The following PDLIM3 variants were observed in gnomAD, a reference collection of about 807,000 sequenced individuals.
The protein encoded by PDLIM3 is PDZ and LIM domain protein 3.
In PDLIM3, 36 loss-of-function variants were observed where a neutral mutation model predicts 37.3. The ratio of observed to expected loss-of-function variants is 0.97; its 90% CI spans 0.74 to 1.28. The LOEUF is 1.28. PDLIM3 is among the 50% of genes most tolerant of loss of function. The pLI, the probability that PDLIM3 is intolerant of heterozygous loss-of-function variation, is 0.00. For missense variants in PDLIM3, 454 were observed against 485.0 expected (o/e 0.94, Z 0.60); for synonymous variants, 174 against 182.4 (o/e 0.95, Z 0.37).
chr4:185,528,172 A>C (rs1580265393), intron 1 of PDLIM3, among the ~76,000 whole-genome samples: 4 of 152,250 alleles, frequency 2.6e-5, no homozygotes, highest in African/African-American at 9.6e-5. Flanking sequence ...AATAGAGTTA[A>C]GTTATGTAAT....
chr4:185,512,959 G>C, intron 4 of PDLIM3: 1 of 985,430 alleles, frequency 1.0e-6, no homozygotes, highest in Non-Finnish European at 1.2e-6. Context: ...CATCGGGAGC[G>C]AGACGGCTCT....
chr4:185,524,530 A>C (rs1561201496), intron 2 of PDLIM3, among the ~76,000 whole-genome samples: 2 of 152,240 alleles, frequency 1.3e-5, no homozygotes, highest in African/African-American at 4.8e-5. Context: ...ATGCACTCTC[A>C]CACCTGTAAC....
chr4:185,514,869 C>G lies in PDLIM3; in HGVS notation c.331-532G>C, dbSNP rs537177873. On this transcript the variant is annotated intron_variant, in intron 3 of 7. Coordinates refer to ENST00000284767, the MANE Select transcript of PDLIM3 (RefSeq NM_014476.6). This position sits in a 1 kb window ranked among gnomAD's most constrained non-coding sequence, Gnocchi z 4.0. ...AAAGGCTGGGCCCTTCTGTTGTGCG[C>G]GGTACCAATGGGTTTGAATTCCTGT... 18 of 1,551,366 alleles carry G rather than the reference C, an allele frequency of 1.2e-5. No individual in the cohort carries two copies. Among genetic ancestry groups the G allele is most frequent in the Admixed American group, 2.0e-5 (1 of 50,980 alleles).
chr4:185,501,988 T>C lies in PDLIM3; in HGVS notation c.*306A>G. ...AGTCCTTCAAATATCTTGATGTTTA[T>C]GTGTTTGATGGCTGTAATATACATG... On this transcript the variant is annotated 3_prime_UTR_variant, in exon 8 of 8. Transcript: ENST00000284767. The C allele has an allele frequency of 2.4e-6, 1 of 413,170 alleles. No individual in the cohort carries two copies. Among genetic ancestry groups the C allele is most frequent in the South Asian group, 2.3e-5 (1 of 43,326 alleles). The allele number at this position is 413,170 out of a possible 1,614,324, so 25.6% of individuals were successfully genotyped here.
At chr4:185,513,330 A>C (rs940810208) in intron 4 of PDLIM3, 2 of 985,120 alleles carry the variant, frequency 2.0e-6, no homozygotes, top group African/African-American at 3.5e-5. Context: ...AAAGGTCTGG[A>C]CATGGAAATC....
rs1171370198 is a variant in PDLIM3, at chr4:185,504,482, C to T, written c.898G>A (p.Gly300Ser). The change falls in exon 7 of 8, where the codon GGC (glycine) becomes AGC (serine). Residue 300 changes from glycine (G) to serine (S), a missense_variant. By Grantham distance (56) the Gly-to-Ser change is moderately conservative. Transcript: ENST00000284767. The surrounding 1 kb of genome is among the most constrained non-coding windows in gnomAD (Gnocchi z 4.7). ...GTTAAAAGTGAAACTTACACTATGC[C>T]ACTCCCACATTTGTCACAGAGCGGC... ...RMPLCDKCGS[G>S]IVGAVVKARD... is the part of the protein sequence containing the mutation. 2 of 1,611,476 alleles carry T rather than the reference C, an allele frequency of 1.2e-6. No homozygotes were observed. The highest frequency in any genetic ancestry group is 2.2e-5 in the South Asian group (2 of 91,012).
chr4:185,522,283 C>T lies in PDLIM3; in HGVS notation c.330+1079G>A, dbSNP rs191770323. 1.4e-3 allele frequency among the ~76,000 whole-genome samples: 91 copies of T among 66,330 alleles called. 20 individuals are homozygous for T. The highest frequency in any genetic ancestry group is 2.4e-3 in the African/African-American group (89 of 36,540). The allele number at this position is 66,330 out of a possible 152,430, so 43.5% of individuals were successfully genotyped here. ...GGGGGTAACGTACTGATAATAAGGA[C>T]AGCTACCACTTACTTGAGTATTTCT... On this transcript the variant is annotated intron_variant, in intron 3 of 7. Coordinates refer to ENST00000284767, the MANE Select transcript of PDLIM3 (RefSeq NM_014476.6).
chr4:185,527,245 ATC>A (rs1482056850), intron 1 of PDLIM3, among the ~76,000 whole-genome samples: 1 of 152,224 alleles, frequency 6.6e-6, no homozygotes, highest in Non-Finnish European at 1.5e-5. Flanking sequence ...CTACTATCAA[ATC>A]TCAAACTGCT....
intron 3 of PDLIM3, chr4:185,515,052 C>A (rs977256786): frequency 3.6e-6 from 2 of 560,560 alleles, no homozygotes; most frequent in African/African-American, 3.8e-5. Flanking sequence ...CCATGGTTTT[C>A]TCTGAGCTTT....
intron 3 of PDLIM3, among the ~76,000 whole-genome samples, chr4:185,520,131 T>C (rs1181641019): frequency 1.3e-5 from 2 of 152,234 alleles, no homozygotes; most frequent in Non-Finnish European, 2.9e-5. Context: ...TTTGTTCTGG[T>C]TTACGCTAAA....
At position 185,500,858 on chromosome 4, in the gene PDLIM3, G is replaced by A. The variant is rs2095686196; in HGVS notation, c.*1436C>T. 6.6e-6 allele frequency: 1 copy of A among 152,256 alleles called. No individual in the cohort carries two copies. Among genetic ancestry groups the A allele is most frequent in the Non-Finnish European group, 1.5e-5 (1 of 68,134 alleles). 9.4% of individuals were successfully genotyped at this position (152,256 alleles called of 1,614,324 possible). On this transcript the variant is annotated 3_prime_UTR_variant, in exon 8 of 8. Coordinates refer to ENST00000284767, the MANE Select transcript of PDLIM3 (RefSeq NM_014476.6). ...GAGCAATAAAACTTGTGTCCCATTTGGGACCTTATGGGAGGAGAACACTTG... is the reference window on the plus strand; with the variant it reads ...GAGCAATAAAACTTGTGTCCCATTTAGGACCTTATGGGAGGAGAACACTTG...
intron 4 of PDLIM3, among the ~76,000 whole-genome samples, chr4:185,510,387 T>C (rs2153333753): frequency 6.6e-6 from 1 of 152,318 alleles, no homozygotes; most frequent in Admixed American, 6.5e-5. Context: ...TTATGCCATG[T>C]TTTATAGCGG....
Position 185,514,054 on chromosome 4 carries a change from T to C in PDLIM3, c.398+216A>G. On this transcript the variant is annotated intron_variant, in intron 4 of 7. Transcript: ENST00000284767. The surrounding 1 kb of genome is among the most constrained non-coding windows in gnomAD (Gnocchi z 4.0). Reference sequence around the variant, plus strand: ...AATACACGTGGTGATTGCATACAATTTCACAGCTCTGTCATCTTGTCAATA... The same window carrying C: ...AATACACGTGGTGATTGCATACAATCTCACAGCTCTGTCATCTTGTCAATA... 5.5e-6 allele frequency: 8 copies of C among 1,441,824 alleles called. No individual in the cohort carries two copies. Among genetic ancestry groups the C allele is most frequent in the Non-Finnish European group, 7.3e-6 (8 of 1,100,156 alleles). The allele number at this position is 1,441,824 out of a possible 1,614,324, so 89.3% of individuals were successfully genotyped here. A position where few individuals can be genotyped will look rare whatever the true frequency, so the allele number is the denominator to read the frequency against.
intron 1 of PDLIM3, among the ~76,000 whole-genome samples, chr4:185,528,137 T>A (rs1265824345): frequency 6.6e-6 from 1 of 152,242 alleles, no homozygotes; most frequent in Non-Finnish European, 1.5e-5. Flanking sequence ...TTTTAGAGCC[T>A]AACTTAGCTT....
rs2153331517 is a variant in PDLIM3, at chr4:185,504,477, T to C, written c.903A>G (p.Ile301Met). ...CCAGGGTTAAAAGTGAAACTTACAC[T>C]ATGCCACTCCCACATTTGTCACAGA... Reference protein sequence around the residue: ...MPLCDKCGSGIVGAVVKARDK... With the variant: ...MPLCDKCGSGMVGAVVKARDK... The change falls in exon 7 of 8, where the codon ATA (isoleucine) becomes ATG (methionine). Residue 301 changes from isoleucine (I) to methionine (M), a missense_variant and splice_region_variant. Transcript: ENST00000284767. This position sits in a 1 kb window ranked among gnomAD's most constrained non-coding sequence, Gnocchi z 4.7. The C allele has an allele frequency of 6.2e-7, 1 of 1,609,492 alleles. No individual in the cohort carries two copies. The highest frequency in any genetic ancestry group is 1.1e-5 in the South Asian group (1 of 90,992).
rs747992902 is a variant in PDLIM3, at chr4:185,504,547, A to G, written c.833T>C (p.Val278Ala). The change falls in exon 7 of 8, where the codon GTG becomes GCG. Residue 278 changes from valine to alanine, a missense_variant. Coordinates refer to ENST00000284767, the MANE Select transcript of PDLIM3 (RefSeq NM_014476.6). This position sits in a 1 kb window ranked among gnomAD's most constrained non-coding sequence, Gnocchi z 4.7. ...GCCTGAACCGCCATGGACTTTCGTC[A>G]CCGGAGCTCTCACACTCCGCGTTCC... ...PAGTRSVRAP[V>A]TKVHGGSGGA... 6.2e-7 allele frequency: 1 copy of G among 1,614,060 alleles called. No individual in the cohort carries two copies. Among genetic ancestry groups the G allele is most frequent in the African/African-American group, 1.3e-5 (1 of 74,924 alleles).
chr4:185,515,191 T>G, intron 3 of PDLIM3: 1 of 192,234 alleles, frequency 5.2e-6, no homozygotes, highest in Middle Eastern at 2.0e-3. Context: ...CTTTAAGAAA[T>G]TCTAATGACT....
In PDLIM3 at chr4:185,508,465, C is replaced by G; in HGVS notation, c.496G>C (p.Val166Leu). ...VSTICPGDLK[V>L]AAKLAPNIPL... The stretch of plus-strand genomic sequence containing the variant: ...ATGTTAGGGGCCAGCTTAGCCGCAA[C>G]TTTCAAGTCACCTGGGCAAATGGTA... The change falls in exon 5 of 8, where the codon GTT (valine) becomes CTT (leucine). Residue 166 changes from valine to leucine, a missense_variant. Coordinates refer to ENST00000284767, the MANE Select transcript of PDLIM3 (RefSeq NM_014476.6). 6.2e-7 allele frequency: 1 copy of G among 1,614,204 alleles called. No homozygotes were observed. Among genetic ancestry groups the G allele is most frequent in the Non-Finnish European group, 8.5e-7 (1 of 1,180,040 alleles).
At position 185,504,427 on chromosome 4, in the gene PDLIM3, C is replaced by G; in HGVS notation, c.905+48G>C. ...AAAGTCTTAAAGGAGAAGAAATGAACTGTCGCCAAGCTGTATCGTAAATTC... is the reference window on the plus strand; with the variant it reads ...AAAGTCTTAAAGGAGAAGAAATGAAGTGTCGCCAAGCTGTATCGTAAATTC... On this transcript the variant is annotated intron_variant, in intron 7 of 7. Coordinates refer to ENST00000284767, the MANE Select transcript of PDLIM3 (RefSeq NM_014476.6). This position sits in a 1 kb window ranked among gnomAD's most constrained non-coding sequence, Gnocchi z 4.7. The G allele has an allele frequency of 3.4e-6, 5 of 1,460,764 alleles. No individual in the cohort carries two copies. The highest frequency in any genetic ancestry group is 4.8e-6 in the Non-Finnish European group (5 of 1,043,856). The allele number at this position is 1,460,764 out of a possible 1,614,324, so 90.5% of individuals were successfully genotyped here.
Sources: gnomAD v4.1 joint callset for allele counts (sites outside exome capture counted in the v4.1 genomes callset) on GRCh38, gnomAD v4.1.1 for gene constraint, Gnocchi (gnomAD v3.1) non-coding constraint, MANE v1.5 for transcripts, NCBI Gene and HGNC (gene_info 2026-07-23, HGNC 2026-07-21) for gene names.